Variants in SLC8A1 observed in about 807,000 individuals in gnomAD.
The protein encoded by SLC8A1 is sodium/calcium exchanger 1.
SLC8A1 carries 18 observed loss-of-function variants against 68.3 expected under a neutral mutation model. The ratio of observed to expected loss-of-function variants is 0.26; its 90% CI spans 0.18 to 0.39. The LOEUF is 0.39. Ranked by LOEUF, SLC8A1 falls within the 10% of genes least tolerant of loss-of-function variation. The pLI is 1.00. For synonymous variants in SLC8A1, 475 were observed against 415.5 expected (o/e 1.14, Z -1.74); for missense variants, 985 against 1,156.7 (o/e 0.85, Z 2.15).
intron 4 of SLC8A1, among the ~76,000 whole-genome samples, chr2:40,168,813 G>A (rs2046981752): frequency 6.6e-6 from 1 of 152,146 alleles, no homozygotes; most frequent in Non-Finnish European, 1.5e-5. Context: ...TTCTCCTCCT[G>A]AGTGCACATG....
intron 2 of SLC8A1, among the ~76,000 whole-genome samples, chr2:40,425,322 A>C (rs1282377208): frequency 6.7e-6 from 1 of 148,974 alleles, no homozygotes; most frequent in East Asian, 2.3e-4. Flanking sequence ...TTATAAATTT[A>C]AATGACTATT....
intron 2 of SLC8A1, among the ~76,000 whole-genome samples, chr2:40,377,184 G>C (rs1680175807): frequency 6.6e-6 from 1 of 152,024 alleles, no homozygotes. Flanking sequence ...TAAGAAGAGG[G>C]TCCAGGGCTT....
At chr2:40,415,859 TACACACACACACACACACAC>T (rs70957173) in intron 2 of SLC8A1, among the ~76,000 whole-genome samples, 38 of 113,588 alleles carry the variant, frequency 3.3e-4, no homozygotes, top group Non-Finnish European at 5.3e-4. Flanking sequence ...ACTAAAAGTA[TACACACACACACACACACAC>T]ACACACACAC....
At chr2:40,301,775 A>G (rs1170615515) in intron 2 of SLC8A1, among the ~76,000 whole-genome samples, 1 of 152,128 alleles carries the variant, frequency 6.6e-6, no homozygotes, top group African/African-American at 2.4e-5. Context: ...TTTTGGGGAA[A>G]ACAGGTGGTA....
At chr2:40,441,412 C>T (rs912074686) in intron 1 of SLC8A1, among the ~76,000 whole-genome samples, 1 of 150,924 alleles carries the variant, frequency 6.6e-6, no homozygotes, top group Non-Finnish European at 1.5e-5. Context: ...AAAAAAACTA[C>T]TTTAAGTTTC....
At chr2:40,284,516 G>T (rs1035118539) in intron 2 of SLC8A1, among the ~76,000 whole-genome samples, 19 of 142,048 alleles carry the variant, frequency 1.3e-4, no homozygotes, top group African/African-American at 4.4e-4. Flanking sequence ...AATATATATA[G>T]ACAACAATAT....
intron 2 of SLC8A1, among the ~76,000 whole-genome samples, chr2:40,386,115 A>G (rs1683474020): frequency 6.6e-6 from 1 of 151,432 alleles, no homozygotes; most frequent in Admixed American, 6.6e-5. Flanking sequence ...CTTACAATAC[A>G]ATCAAGATAT....
exon 2 of SLC8A1, chr2:40,429,558 G>A: frequency 6.2e-7 from 1 of 1,613,728 alleles, no homozygotes; most frequent in African/African-American, 1.3e-5. Flanking sequence ...AGATGGGAAA[G>A]AAGAAGAAAG....
chr2:40,419,804 T>C (rs1485274707), intron 2 of SLC8A1, among the ~76,000 whole-genome samples: 1 of 152,142 alleles, frequency 6.6e-6, no homozygotes. Context: ...TGTGTGTATA[T>C]GTGTGTGTGT....
At chr2:40,356,366 C>G (rs1282477683) in intron 2 of SLC8A1, among the ~76,000 whole-genome samples, 1 of 152,138 alleles carries the variant, frequency 6.6e-6, no homozygotes, top group Non-Finnish European at 1.5e-5. Context: ...AATTCCTGCT[C>G]TCAAAGACCA....
At chr2:40,396,274 G>C (rs745409773) in intron 2 of SLC8A1, among the ~76,000 whole-genome samples, 3 of 152,128 alleles carry the variant, frequency 2.0e-5, no homozygotes, top group Non-Finnish European at 4.4e-5. Context: ...CATGAAGTGT[G>C]TTTGTTAATT....
At chr2:40,426,709 T>G (rs1334097581) in intron 2 of SLC8A1, among the ~76,000 whole-genome samples, 3 of 152,002 alleles carry the variant, frequency 2.0e-5, no homozygotes, top group African/African-American at 7.2e-5. Flanking sequence ...CAGATTTAAG[T>G]TGTTTTAAGG....
At position 40,320,848 on chromosome 2, in the gene SLC8A1, G is replaced by A. The variant is rs192531069; in HGVS notation, c.1808+107625C>T. On this transcript the variant is annotated intron_variant, in intron 2 of 7. Coordinates refer to ENST00000406785, the Ensembl canonical transcript of SLC8A1. ...AATGTGGCCGACCTCTTCTTTCCTT[G>A]TAGCCTCAGAACACTCTATCAGTCA... is the stretch of plus-strand genomic sequence containing the variant. 1.9e-3 allele frequency among the ~76,000 whole-genome samples: 295 copies of A among 152,168 alleles called. 2 individuals are homozygous for A. The highest frequency in any genetic ancestry group is 6.8e-3 in the African/African-American group (282 of 41,524).
chr2:40,189,891 C>T (rs1341390399), intron 2 of SLC8A1: 3 of 152,118 alleles, frequency 2.0e-5, no homozygotes, highest in African/African-American at 7.2e-5. Context: ...TAGAAGGTAA[C>T]GTTCCCCATC....
In SLC8A1 at chr2:40,223,478, C is replaced by T. The variant is rs201176751; in HGVS notation, c.1809-45623G>A. Among the ~76,000 whole-genome samples the T allele has an allele frequency of 1.1e-4, 17 of 152,020 alleles. No homozygotes were observed. In the East Asian group the frequency reaches 3.3e-3, roughly 29 times the overall value. On this transcript the variant is annotated intron_variant, in intron 2 of 7. Transcript: ENST00000406785. ...CGTGTATTCCTATGTAATGAACTTGCACTTTCTGCACATGTATCCCAGAAC... is the reference window on the plus strand; with the variant it reads ...CGTGTATTCCTATGTAATGAACTTGTACTTTCTGCACATGTATCCCAGAAC...
intron 6 of SLC8A1, among the ~76,000 whole-genome samples, chr2:40,159,871 G>C (rs1376148738): frequency 6.6e-6 from 1 of 152,140 alleles, no homozygotes; most frequent in African/African-American, 2.4e-5. Flanking sequence ...ACTGGAAAAA[G>C]GGATTTGGGG....
intron 2 of SLC8A1, among the ~76,000 whole-genome samples, chr2:40,294,953 A>G (rs978418419): frequency 6.6e-6 from 1 of 152,214 alleles, no homozygotes; most frequent in Non-Finnish European, 1.5e-5. Flanking sequence ...TGACAAAAGG[A>G]ACAGAAAAAA....
At chr2:40,296,610 G>A (rs1256097341) in intron 2 of SLC8A1, among the ~76,000 whole-genome samples, 1 of 151,966 alleles carries the variant, frequency 6.6e-6, no homozygotes, top group Non-Finnish European at 1.5e-5. Flanking sequence ...ATAAAACAAA[G>A]TTAAAGACAG....
chr2:40,418,998 A>G (rs1403347562), intron 2 of SLC8A1, among the ~76,000 whole-genome samples: 3 of 152,202 alleles, frequency 2.0e-5, no homozygotes, highest in African/African-American at 7.2e-5. Context: ...AGGAGGCCAA[A>G]GAAGGCACAG....
Sources: gnomAD v4.1 joint callset for allele counts (sites outside exome capture counted in the v4.1 genomes callset) on GRCh38, gnomAD v4.1.1 for gene constraint, MANE v1.5 for transcripts, NCBI Gene and HGNC (gene_info 2026-07-23, HGNC 2026-07-21) for gene names.